RGP1: variants seen among roughly 807,000 people sequenced by gnomAD.
RGP1 encodes the protein RAB6A-GEF complex partner protein 2.
In RGP1, 28 loss-of-function variants were observed where a neutral mutation model predicts 44.5. The observed-to-expected ratio is 0.63, with a 90% CI of 0.47 to 0.86. The LOEUF (loss-of-function observed/expected upper bound fraction) is 0.86. RGP1 is among the 40% of genes least tolerant of loss of function. The pLI is 0.00. For synonymous variants in RGP1, 212 were observed against 196.7 expected, an observed-to-expected ratio of 1.08 and a Z score of -0.65; for missense variants, 417 against 490.7, an observed-to-expected ratio of 0.85 and a Z score of 1.42.
At chr9:35,771,207 T>G in the RGP1 span, among the ~76,000 whole-genome samples, 62 of 152,204 alleles carry the variant, frequency 4.1e-4, no homozygotes, top group African/African-American at 1.4e-3. Context: ...TAGTAACCCC[T>G]CTGCTTGGCT....
downstream of RGP1, among the ~76,000 whole-genome samples, chr9:35,760,172 G>A (rs563575584): frequency 6.6e-6 from 1 of 151,546 alleles, no homozygotes; most frequent in African/African-American, 2.4e-5. Flanking sequence ...GGTCTCAAAA[G>A]TTTTTCAGGG....
the RGP1 span, among the ~76,000 whole-genome samples, chr9:35,789,627 A>AG: frequency 8.8e-3 from 1,347 of 152,326 alleles, 5 homozygotes; most frequent in Non-Finnish European, 0.015. Context: ...CTTAATGTTC[A>AG]GAATAATGAC....
chr9:35,773,208 G>A, the RGP1 span, among the ~76,000 whole-genome samples: 1 of 152,010 alleles, frequency 6.6e-6, no homozygotes, highest in African/African-American at 2.4e-5. Flanking sequence ...GGGCAATATA[G>A]TGAGACCTTG....
In RGP1 at chr9:35,749,851, C is replaced by T. The variant is rs1178464322; in HGVS notation, c.96C>T (p.Pro32=). 1 of 1,612,972 alleles carries T rather than the reference C, an allele frequency of 6.2e-7. No homozygotes were observed. Among genetic ancestry groups the T allele is most frequent in the Admixed American group, 1.7e-5 (1 of 59,854 alleles). Reference sequence around the variant, plus strand: ...TGACCGTCACCAACCCCCTTCCGCCCACGGCCACTTCTGCATCCAGGTGGG... The same window carrying T: ...TGACCGTCACCAACCCCCTTCCGCCTACGGCCACTTCTGCATCCAGGTGGG... The part of the protein sequence containing the change: ...CVVTVTNPLP[P]TATSASSEAL... The change falls in exon 2 of 9, where the codon CCC becomes CCT. Residue 32 remains proline (P), a synonymous_variant. Transcript: ENST00000378078. This position sits in a 1 kb window ranked among gnomAD's most constrained non-coding sequence, Gnocchi z 4.4.
chr9:35,778,694 C>T, the RGP1 span, among the ~76,000 whole-genome samples: 1 of 152,144 alleles, frequency 6.6e-6, no homozygotes, highest in Non-Finnish European at 1.5e-5. Context: ...TCCCTCCTCT[C>T]GAATGCACAA....
At chr9:35,776,647 T>A in the RGP1 span, among the ~76,000 whole-genome samples, 2 of 152,060 alleles carry the variant, frequency 1.3e-5, no homozygotes, top group African/African-American at 4.8e-5. Flanking sequence ...TCCTTGGCCC[T>A]CAAGGAAGAG....
Position 35,753,434 on chromosome 9 carries a change from C to T in RGP1, c.*560C>T. 2 of 870,358 alleles carry T rather than the reference C, an allele frequency of 2.3e-6. No homozygotes were observed. The highest frequency in any genetic ancestry group is 3.6e-5 in the South Asian group (2 of 55,910). 53.9% of individuals were successfully genotyped at this position (870,358 alleles called of 1,614,324 possible). ...TAAGCTGTCACCTACCATATGTGGG[C>T]CTTTTTGTTTTATAACAGGAGTATT... On this transcript the variant is annotated 3_prime_UTR_variant, in exon 9 of 9. Coordinates refer to ENST00000378078, the MANE Select transcript of RGP1 (RefSeq NM_001080496.3). The surrounding 1 kb of genome is among the most constrained non-coding windows in gnomAD (Gnocchi z 4.2).
In RGP1 at chr9:35,749,589, C is replaced by A; in HGVS notation, c.-19-148C>A. On this transcript the variant is annotated intron_variant, in intron 1 of 8. Transcript: ENST00000378078. The surrounding 1 kb of genome is among the most constrained non-coding windows in gnomAD (Gnocchi z 4.4). ...GTACTGAGTCTTCAGTCGCCTCCCTCCCACCCGCCTACCCCTCCTATATCC... is the reference window on the plus strand; with the variant it reads ...GTACTGAGTCTTCAGTCGCCTCCCTACCACCCGCCTACCCCTCCTATATCC... 1 of 678,938 alleles carries A rather than the reference C, an allele frequency of 1.5e-6. No individual in the cohort carries two copies. The highest frequency in any genetic ancestry group is 2.7e-6 in the Non-Finnish European group (1 of 368,438). The allele number at this position is 678,938 out of a possible 1,614,324, so 42.1% of individuals were successfully genotyped here. A position where few individuals can be genotyped will look rare whatever the true frequency, so the allele number is the denominator to read the frequency against.
intron 2 of RGP1, 130 bp downstream of exon 2, chr9:35,750,001 A>T: frequency 2.3e-6 from 2 of 866,382 alleles, no homozygotes; most frequent in Non-Finnish European, 3.6e-6. Flanking sequence ...TCATTGTAGG[A>T]GAGGGCTCTT....
chr9:35,774,593 G>A, the RGP1 span, among the ~76,000 whole-genome samples: 4 of 152,126 alleles, frequency 2.6e-5, no homozygotes, highest in East Asian at 1.9e-4. Context: ...GCGTGTTGGC[G>A]GGCGCCTGTA....
At chr9:35,750,172 G>C in intron 2 of RGP1, 71 bp from the exon 3 acceptor site, 1 of 1,557,814 alleles carries the variant, frequency 6.4e-7, no homozygotes, top group Non-Finnish European at 8.7e-7. Context: ...AAGATGGTGT[G>C]ATAGGGAGCT....
At chr9:35,764,345 G>A in the RGP1 span, among the ~76,000 whole-genome samples, 1 of 152,258 alleles carries the variant, frequency 6.6e-6, no homozygotes, top group South Asian at 2.1e-4. Context: ...CATTTCCACT[G>A]GACAGAGAAC....
At chr9:35,776,299 T>G in the RGP1 span, among the ~76,000 whole-genome samples, 2 of 152,062 alleles carry the variant, frequency 1.3e-5, no homozygotes, top group African/African-American at 4.8e-5. Context: ...TCTTCTTTTT[T>G]TTTTTTAGAT....
chr9:35,776,293 CT>C, the RGP1 span, among the ~76,000 whole-genome samples: 316 of 142,328 alleles, frequency 2.2e-3, no homozygotes, highest in Middle Eastern at 7.4e-3. Flanking sequence ...CCTTCTTCTT[CT>C]TTTTTTTTTT....
At chr9:35,785,774 C>G in the RGP1 span, among the ~76,000 whole-genome samples, 1 of 152,192 alleles carries the variant, frequency 6.6e-6, no homozygotes, top group Non-Finnish European at 1.5e-5. Flanking sequence ...CTGCCTGGCC[C>G]ATGACCACCT....
At chr9:35,788,295 G>A in the RGP1 span, among the ~76,000 whole-genome samples, 1 of 152,176 alleles carries the variant, frequency 6.6e-6, no homozygotes, top group African/African-American at 2.4e-5. Context: ...GGGGCCGGGC[G>A]TGGTGGCTTA....
chr9:35,751,548 A>G (rs774846135), intron 6 of RGP1, 79 bp from the exon 7 acceptor site: 4 of 1,602,510 alleles, frequency 2.5e-6, no homozygotes, highest in Non-Finnish European at 3.4e-6. Context: ...GAAAAGCCCC[A>G]TCTTTTGGCC....
At chr9:35,768,308 C>T in the RGP1 span, among the ~76,000 whole-genome samples, 64 of 152,184 alleles carry the variant, frequency 4.2e-4, no homozygotes, top group Non-Finnish European at 7.8e-4. Flanking sequence ...GCGATCCACC[C>T]ACCTTGGCCT....
rs1563972269 is a variant in RGP1 at position 35,749,902 on chromosome 9, C to G, written c.116+31C>G. 6 of 1,528,764 alleles carry G rather than the reference C, an allele frequency of 3.9e-6. No individual in the cohort carries two copies. In the Middle Eastern group the frequency reaches 5.6e-4, roughly 143 times the overall value. The allele number at this position is 1,528,764 out of a possible 1,614,324, so 94.7% of individuals were successfully genotyped here. A position where few individuals can be genotyped will look rare whatever the true frequency, so the allele number is the denominator to read the frequency against. ...GATGCTGGCACTGAAGGTGGTGGCC[C>G]TTCTGGGAAGAAGCCAGATTATCTC... On this transcript the variant is annotated intron_variant, in intron 2 of 8. Transcript: ENST00000378078. The surrounding 1 kb of genome is among the most constrained non-coding windows in gnomAD (Gnocchi z 4.4).
Sources: allele counts gnomAD v4.1 joint callset (sites outside exome capture counted in the v4.1 genomes callset), GRCh38; gene constraint gnomAD v4.1.1; non-coding constraint Gnocchi (gnomAD v3.1); transcripts MANE v1.5; gene names NCBI Gene and HGNC (gene_info 2026-07-23, HGNC 2026-07-21).